The following NRXN1 variants were observed in gnomAD, a reference collection of about 807,000 sequenced individuals.
NRXN1 encodes neurexin 1, also known as neurexin-1.
A neutral mutation model predicts 150.9 loss-of-function variants in NRXN1; 39 were observed. That is an observed-to-expected ratio of 0.26 (90% CI 0.20 to 0.34). The LOEUF is 0.34. Among genes scored for constraint, NRXN1 ranks in the 10% least tolerant of loss-of-function variants. NRXN1 has a pLI of 1.00. For missense variants in NRXN1, 1,815 were observed against 1,949.9 expected, an observed-to-expected ratio of 0.93 and a Z score of 1.30; for synonymous variants, 924 against 757.0, an observed-to-expected ratio of 1.22 and a Z score of -3.62.
intron 5 of NRXN1, among the ~76,000 whole-genome samples, chr2:50,739,809 T>G (rs906116761): frequency 1.3e-5 from 2 of 152,186 alleles, no homozygotes; most frequent in Non-Finnish European, 2.9e-5. Flanking sequence ...TTTTGGGGCT[T>G]AAAAACTTAG....
intron 17 of NRXN1, among the ~76,000 whole-genome samples, chr2:50,375,121 C>G (rs1293284907): frequency 1.3e-5 from 2 of 152,066 alleles, no homozygotes; most frequent in Non-Finnish European, 2.9e-5. Flanking sequence ...CACTTGCATT[C>G]ATGATATATT....
intron 5 of NRXN1, among the ~76,000 whole-genome samples, chr2:50,817,652 T>C (rs199973972): frequency 6.6e-6 from 1 of 152,046 alleles, no homozygotes; most frequent in Admixed American, 6.6e-5. Context: ...AAAAGTATCA[T>C]ACATCATGAC....
At chr2:50,515,625 G>A (rs572272438) in intron 12 of NRXN1, among the ~76,000 whole-genome samples, 2 of 151,802 alleles carry the variant, frequency 1.3e-5, no homozygotes, top group African/African-American at 2.4e-5. Flanking sequence ...GTGTGTGTGT[G>A]TGTGTGTGTG....
chr2:50,291,135 G>GAAAAA lies in NRXN1; in HGVS notation c.3365-54170_3365-54166dup, dbSNP rs5831107. On this transcript the variant is annotated intron_variant, in intron 17 of 22. Coordinates refer to ENST00000401669, the MANE Select transcript of NRXN1 (RefSeq NM_001330078.2). ...CTCCTGGAGTTGAACCACAGAAGTT[G>GAAAAA]AAAAAAAAAAAAGGCTCTGAATTAA... is the stretch of plus-strand genomic sequence containing the variant. Among the ~76,000 whole-genome samples the GAAAAA allele has an allele frequency of 6.0e-4, 86 of 143,898 alleles. 2 individuals carry two copies. Among genetic ancestry groups the GAAAAA allele is most frequent in the African/African-American group, 2.1e-3 (82 of 39,034 alleles). The allele number at this position is 143,898 out of a possible 152,430, so 94.4% of individuals were successfully genotyped here.
intron 5 of NRXN1, among the ~76,000 whole-genome samples, chr2:50,880,208 G>A (rs1679220898): frequency 6.6e-6 from 1 of 151,888 alleles, no homozygotes; most frequent in African/African-American, 2.4e-5. Context: ...GAATTAGAAT[G>A]CTTTGTAAAA....
chr2:50,630,151 C>T (rs781636603), intron 5 of NRXN1, among the ~76,000 whole-genome samples: 1 of 151,516 alleles, frequency 6.6e-6, no homozygotes, highest in Non-Finnish European at 1.5e-5. Flanking sequence ...ACAGTTCTTG[C>T]TCATCTAATT....
At chr2:50,495,625 T>C (rs1423545046) in intron 15 of NRXN1, among the ~76,000 whole-genome samples, 1 of 152,184 alleles carries the variant, frequency 6.6e-6, no homozygotes, top group African/African-American at 2.4e-5. Context: ...AATGCCTTTT[T>C]AATATCAAGA....
chr2:50,657,579 C>T (rs1686678477), intron 5 of NRXN1, among the ~76,000 whole-genome samples: 1 of 151,986 alleles, frequency 6.6e-6, no homozygotes, highest in South Asian at 2.1e-4. Context: ...TTCCCTGTGA[C>T]AGAATGTCAG....
intron 12 of NRXN1, among the ~76,000 whole-genome samples, chr2:50,507,174 T>C (rs530541508): frequency 1.3e-5 from 2 of 152,260 alleles, no homozygotes; most frequent in African/African-American, 4.8e-5. Flanking sequence ...CTCTTATACC[T>C]GGTACCTCCA....
chr2:50,015,791 C>CA (rs1034076129), intron 21 of NRXN1, among the ~76,000 whole-genome samples: 1 of 152,006 alleles, frequency 6.6e-6, no homozygotes, highest in South Asian at 2.1e-4. Context: ...CACTGACAGC[C>CA]AAAAGCATGT....
At chr2:50,080,299 A>C (rs72891448) in intron 19 of NRXN1, among the ~76,000 whole-genome samples, 3,096 of 152,198 alleles carry the variant, frequency 0.02, 86 homozygotes, top group African/African-American at 0.071. Context: ...TATTGTCACT[A>C]ATCTCTTATC....
intron 2 of NRXN1, among the ~76,000 whole-genome samples, chr2:50,983,930 G>C (rs1002376757): frequency 6.6e-6 from 1 of 151,662 alleles, no homozygotes. Context: ...CAAAAAGCTA[G>C]AGCAAACATT....
chr2:50,278,343 TGGGGTTTCACC>T lies in NRXN1; in HGVS notation c.3365-41384_3365-41374del, dbSNP rs2070935492. ...TATATATATATATATTTAGTAGAGA[TGGGGTTTCACC>T]ATGTTAGCCAGGCTGGTGAACACCT... On this transcript the variant is annotated intron_variant, in intron 17 of 22. Transcript: ENST00000401669. 4.3e-5 allele frequency among the ~76,000 whole-genome samples: 6 copies of T among 139,564 alleles called. No individual in the cohort carries two copies. In the South Asian group the frequency reaches 1.3e-3, roughly 31 times the overall value. 91.6% of individuals were successfully genotyped at this position (139,564 alleles called of 152,430 possible).
intron 19 of NRXN1, among the ~76,000 whole-genome samples, chr2:50,068,500 A>G: frequency 6.6e-6 from 1 of 152,198 alleles, no homozygotes; most frequent in Non-Finnish European, 1.5e-5. Context: ...GGTTAAGATA[A>G]TGAGCTCTAA....
chr2:51,030,276 C>T (rs1671281625), intron 1 of NRXN1, among the ~76,000 whole-genome samples: 1 of 152,062 alleles, frequency 6.6e-6, no homozygotes, highest in African/African-American at 2.4e-5. Flanking sequence ...ACACCATACA[C>T]ACATGCACAC....
chr2:50,694,225 A>C (rs1692486139), intron 5 of NRXN1, among the ~76,000 whole-genome samples: 1 of 152,200 alleles, frequency 6.6e-6, no homozygotes, highest in East Asian at 1.9e-4. Context: ...AAACTTTGTA[A>C]ATTAATGGAT....
At chr2:50,306,489 T>G (rs941216919) in intron 17 of NRXN1, among the ~76,000 whole-genome samples, 1 of 152,206 alleles carries the variant, frequency 6.6e-6, no homozygotes, top group Non-Finnish European at 1.5e-5. Flanking sequence ...AGCTATTTTA[T>G]AGATAAAAGA....
chr2:50,160,522 C>G (rs1454519484), intron 18 of NRXN1, among the ~76,000 whole-genome samples: 1 of 151,138 alleles, frequency 6.6e-6, no homozygotes, highest in Non-Finnish European at 1.5e-5. Context: ...GTCTGGGCAA[C>G]AAGAGCGAAA....
At chr2:50,722,367 T>C (rs979328426) in intron 5 of NRXN1, among the ~76,000 whole-genome samples, 2 of 152,064 alleles carry the variant, frequency 1.3e-5, no homozygotes, top group East Asian at 1.9e-4. Flanking sequence ...GAAGAAGTAA[T>C]AGCAAATTGA....
Sources: allele counts gnomAD v4.1 joint callset (sites outside exome capture counted in the v4.1 genomes callset), GRCh38; gene constraint gnomAD v4.1.1; transcripts MANE v1.5; gene names NCBI Gene and HGNC (gene_info 2026-07-23, HGNC 2026-07-21).